Variants in PLEKHH2 observed in about 807,000 individuals in gnomAD.
The protein encoded by PLEKHH2 is pleckstrin homology, MyTH4 and FERM domain containing H2.
A neutral mutation model predicts 187.9 loss-of-function variants in PLEKHH2; 129 were observed. That is an observed-to-expected ratio of 0.69 (90% CI 0.59 to 0.79). The LOEUF (loss-of-function observed/expected upper bound fraction) is 0.79, where lower values mean the gene tolerates loss of function less well. Among genes scored for constraint, PLEKHH2 ranks in the 30% least tolerant of loss-of-function variants. The pLI, the probability that PLEKHH2 is intolerant of heterozygous loss-of-function variation, is 0.00. For missense variants in PLEKHH2, 2,076 were observed against 1,751.2 expected (o/e 1.19, Z -3.31); for synonymous variants, 686 against 605.6 (o/e 1.13, Z -1.95).
chr2:43,688,357 C>T lies in PLEKHH2; in HGVS notation c.187-4157C>T, dbSNP rs74871581. ...AAAGTAGTCTGGGATTTAAAATACT[C>T]TAAACAATTTCTTTTGTCATTCTAT... On this transcript the variant is annotated intron_variant, in intron 3 of 29. Transcript: ENST00000282406. Among the ~76,000 whole-genome samples, 24 of 152,288 alleles carry T rather than the reference C, an allele frequency of 1.6e-4. No homozygotes were observed. In the East Asian group the frequency reaches 4.0e-3, roughly 26 times the overall value.
intron 8 of PLEKHH2, among the ~76,000 whole-genome samples, chr2:43,702,507 T>C (rs1433497827): frequency 1.4e-5 from 2 of 141,136 alleles, no homozygotes; most frequent in Admixed American, 7.1e-5. Context: ...GTTCGTTTTA[T>C]TTGGCAACCC....
At chr2:43,673,780 A>G (rs1170282115) in intron 2 of PLEKHH2, among the ~76,000 whole-genome samples, 1 of 152,202 alleles carries the variant, frequency 6.6e-6, no homozygotes, top group Non-Finnish European at 1.5e-5. Context: ...ATCATCACAT[A>G]GCTAGTATTG....
intron 15 of PLEKHH2, among the ~76,000 whole-genome samples, chr2:43,714,285 C>T (rs531562265): frequency 1.3e-5 from 2 of 152,304 alleles, no homozygotes; most frequent in South Asian, 2.1e-4. Flanking sequence ...TGCGATTCTC[C>T]ACTTCCCATT....
At chr2:43,655,752 A>G (rs1306263577) in intron 2 of PLEKHH2, among the ~76,000 whole-genome samples, 1 of 152,174 alleles carries the variant, frequency 6.6e-6, no homozygotes, top group Non-Finnish European at 1.5e-5. Flanking sequence ...TTACAACTGA[A>G]TGAGATTTTT....
chr2:43,759,994 G>C (rs560717146), intron 27 of PLEKHH2, among the ~76,000 whole-genome samples: 17 of 152,252 alleles, frequency 1.1e-4, no homozygotes, highest in Middle Eastern at 3.4e-3. Flanking sequence ...ACTGAAAGCT[G>C]TATACTAATT....
rs1424932281 is a variant in PLEKHH2 at position 43,704,188 on chromosome 2, A to T, written c.1726+132A>T. On this transcript the variant is annotated intron_variant, in intron 9 of 29. Coordinates refer to ENST00000282406, the MANE Select transcript of PLEKHH2 (RefSeq NM_172069.4). ...GATTCCACCTAAAGGAGGTGTTTAAAGGGTCAAATTCATAGGAATAGAAAG... is the reference window on the plus strand; with the variant it reads ...GATTCCACCTAAAGGAGGTGTTTAATGGGTCAAATTCATAGGAATAGAAAG... 5.0e-6 allele frequency: 3 copies of T among 604,058 alleles called. No homozygotes were observed. In the East Asian group the frequency reaches 8.9e-5, roughly 18 times the overall value. The allele number at this position is 604,058 out of a possible 1,614,324, so 37.4% of individuals were successfully genotyped here. A position where few individuals can be genotyped will look rare whatever the true frequency, so the allele number is the denominator to read the frequency against.
chr2:43,709,418 T>A (rs1013346358), intron 11 of PLEKHH2, among the ~76,000 whole-genome samples: 1 of 152,232 alleles, frequency 6.6e-6, no homozygotes, highest in Non-Finnish European at 1.5e-5. Flanking sequence ...ATACACATAT[T>A]TTTAATTCTT....
At chr2:43,654,714 C>G (rs1325164554) in intron 2 of PLEKHH2, among the ~76,000 whole-genome samples, 26 of 146,676 alleles carry the variant, frequency 1.8e-4, no homozygotes, top group Non-Finnish European at 2.9e-4. Flanking sequence ...ACCCCCCCCC[C>G]CCGCATCTCT....
At position 43,683,142 on chromosome 2, in the gene PLEKHH2, C is replaced by CTTTT. The variant is rs34805310; in HGVS notation, c.186+4234_186+4237dup. On this transcript the variant is annotated intron_variant, in intron 3 of 29. Coordinates refer to ENST00000282406, the MANE Select transcript of PLEKHH2 (RefSeq NM_172069.4). ...TTTTTAATTCTTTTATTTATATACC[C>CTTTT]TTTTTTTTTTTTTTTTTTTTGAGAT... 7.2e-4 allele frequency among the ~76,000 whole-genome samples: 68 copies of CTTTT among 94,562 alleles called. 1 individual carries two copies. Among genetic ancestry groups the CTTTT allele is most frequent in the Non-Finnish European group, 9.8e-4 (49 of 50,136 alleles). The allele number at this position is 94,562 out of a possible 152,430, so 62.0% of individuals were successfully genotyped here.
chr2:43,643,317 G>A (rs1666034650), intron 1 of PLEKHH2, among the ~76,000 whole-genome samples: 1 of 152,078 alleles, frequency 6.6e-6, no homozygotes, highest in Admixed American at 6.5e-5. Context: ...TTTAAATTAA[G>A]GCTAGAATTT....
intron 2 of PLEKHH2, among the ~76,000 whole-genome samples, chr2:43,669,061 A>G (rs2104396389): frequency 6.6e-6 from 1 of 152,288 alleles, no homozygotes; most frequent in African/African-American, 2.4e-5. Flanking sequence ...TCCGTTACTT[A>G]AACTTACAAG....
At chr2:43,707,214 A>AAAAC (rs1669704227) in intron 10 of PLEKHH2, among the ~76,000 whole-genome samples, 187 bp from the exon 11 acceptor site, 1 of 151,700 alleles carries the variant, frequency 6.6e-6, no homozygotes, top group Admixed American at 6.6e-5. Context: ...AAAAAAAAAA[A>AAAAC]AATTCTATGC....
chr2:43,681,007 A>T, intron 3 of PLEKHH2: 1 of 1,242,664 alleles, frequency 8.0e-7, no homozygotes, highest in Non-Finnish European at 1.1e-6. Flanking sequence ...CAACTGGAAA[A>T]GTCACCTGTT....
At chr2:43,715,363 A>G (rs1670166413) in intron 15 of PLEKHH2, among the ~76,000 whole-genome samples, 1 of 152,168 alleles carries the variant, frequency 6.6e-6, no homozygotes, top group African/African-American at 2.4e-5. Flanking sequence ...AGAGGGGCCT[A>G]TGGATGGTGG....
chr2:43,687,062 A>T (rs1228553739), intron 3 of PLEKHH2, among the ~76,000 whole-genome samples: 2 of 152,106 alleles, frequency 1.3e-5, no homozygotes, highest in African/African-American at 2.4e-5. Context: ...ATATTACGTG[A>T]TGCTGAGGTT....
intron 11 of PLEKHH2, 117 bp downstream of exon 11, chr2:43,707,662 T>C: frequency 1.7e-6 from 2 of 1,203,906 alleles, no homozygotes; most frequent in Non-Finnish European, 1.1e-6. Context: ...CAGACCCTAG[T>C]GAAAAGAACT....
At chr2:43,677,270 A>C (rs1451823711) in intron 2 of PLEKHH2, among the ~76,000 whole-genome samples, 3 of 151,376 alleles carry the variant, frequency 2.0e-5, no homozygotes, top group African/African-American at 7.3e-5. Flanking sequence ...GGGTCATAGG[A>C]CAATAGTGGA....
intron 2 of PLEKHH2, among the ~76,000 whole-genome samples, chr2:43,651,198 GT>G (rs568522424): frequency 2.0e-5 from 3 of 151,876 alleles, no homozygotes; most frequent in Admixed American, 2.0e-4. Flanking sequence ...CAAACATTGA[GT>G]TTCTGTTATG....
chr2:43,654,477 G>A (rs1026682528), intron 2 of PLEKHH2, among the ~76,000 whole-genome samples: 9 of 151,836 alleles, frequency 5.9e-5, no homozygotes, highest in Admixed American at 4.6e-4. Flanking sequence ...TTACAGGCGT[G>A]AGCCACTGCG....
Sources: gnomAD v4.1 joint callset for allele counts (sites outside exome capture counted in the v4.1 genomes callset) on GRCh38, gnomAD v4.1.1 for gene constraint, MANE v1.5 for transcripts, NCBI Gene and HGNC (gene_info 2026-07-23, HGNC 2026-07-21) for gene names.